PLCL1: variants seen among roughly 807,000 people sequenced by gnomAD.
The protein encoded by PLCL1 is inactive phospholipase C-like protein 1.
In PLCL1, 41 loss-of-function variants were observed where a neutral mutation model predicts 84.4. The ratio of observed to expected loss-of-function variants is 0.49; its 90% CI spans 0.38 to 0.63. The LOEUF is 0.63. Ranked by LOEUF, PLCL1 falls within the 30% of genes least tolerant of loss-of-function variation. The pLI, the probability that PLCL1 is intolerant of heterozygous loss-of-function variation, is 0.00. For synonymous variants in PLCL1, 490 were observed against 488.3 expected (o/e 1.00, Z -0.05); for missense variants, 1,206 against 1,367.8 (o/e 0.88, Z 1.87).
intron 5 of PLCL1, among the ~76,000 whole-genome samples, chr2:198,146,277 T>C (rs1409104849): frequency 6.6e-6 from 1 of 152,142 alleles, no homozygotes; most frequent in Non-Finnish European, 1.5e-5. Context: ...ACCCAGTATA[T>C]TAAAAACCAG....
chr2:198,141,452 G>A lies in PLCL1; in HGVS notation c.3106-5328G>A, dbSNP rs576001804. Among the ~76,000 whole-genome samples the A allele has an allele frequency of 5.4e-5, 8 of 147,716 alleles. No individual in the cohort carries two copies. The East Asian group carries it at 1.4e-3, about 25-fold the overall frequency. ...ATAGTTTCACCCAGTTTTCCAAACA[G>A]CGTAACATACCAAGAGTGTAACATC... On this transcript the variant is annotated intron_variant, in intron 5 of 5. Transcript: ENST00000428675.
chr2:198,146,692 A>C, intron 5 of PLCL1, 88 bp from the exon 6 acceptor site: 2 of 1,065,150 alleles, frequency 1.9e-6, no homozygotes, highest in Non-Finnish European at 2.7e-6. Context: ...TTATTCAGCA[A>C]TGGGCAGTAA....
chr2:197,967,241 G>A (rs1464507420), intron 1 of PLCL1, among the ~76,000 whole-genome samples: 2 of 152,032 alleles, frequency 1.3e-5, no homozygotes, highest in East Asian at 3.9e-4. Flanking sequence ...CTGTCTTCCA[G>A]GCTGAAGTGC....
chr2:198,141,270 G>A (rs1694379656), intron 5 of PLCL1, among the ~76,000 whole-genome samples: 1 of 152,280 alleles, frequency 6.6e-6, no homozygotes, highest in African/African-American at 2.4e-5. Context: ...ACTTAGTGCA[G>A]TGGACACTTC....
intron 1 of PLCL1, among the ~76,000 whole-genome samples, chr2:197,935,335 A>G (rs917405020): frequency 1.2e-4 from 19 of 152,220 alleles, no homozygotes; most frequent in African/African-American, 4.6e-4. Context: ...AATATTCACA[A>G]TAGCAAAGAC....
intron 1 of PLCL1, among the ~76,000 whole-genome samples, chr2:197,827,548 A>G (rs1690957919): frequency 6.6e-6 from 1 of 152,146 alleles, no homozygotes; most frequent in Non-Finnish European, 1.5e-5. Flanking sequence ...ACAAGAGGAT[A>G]TAATCTAGGT....
chr2:197,854,340 T>C (rs1165174485), intron 1 of PLCL1, among the ~76,000 whole-genome samples: 1 of 152,188 alleles, frequency 6.6e-6, no homozygotes, highest in Non-Finnish European at 1.5e-5. Flanking sequence ...AAACATATAT[T>C]GATTTCTTAC....
At chr2:198,093,220 T>A (rs1378518178) in intron 3 of PLCL1, among the ~76,000 whole-genome samples, 1 of 152,188 alleles carries the variant, frequency 6.6e-6, no homozygotes, top group Non-Finnish European at 1.5e-5. Context: ...GGCAGATACA[T>A]GTCATTATAC....
At chr2:198,068,273 A>G (rs761707352) in intron 1 of PLCL1, among the ~76,000 whole-genome samples, 1 of 152,226 alleles carries the variant, frequency 6.6e-6, no homozygotes, top group Non-Finnish European at 1.5e-5. Flanking sequence ...TACAGAAATA[A>G]ATGACTTTAA....
intron 1 of PLCL1, among the ~76,000 whole-genome samples, chr2:197,860,668 C>G (rs1574917087): frequency 1.3e-5 from 2 of 152,042 alleles, no homozygotes; most frequent in African/African-American, 4.8e-5. Context: ...TGACGGCATG[C>G]ATGCCTCTTT....
At chr2:198,064,145 G>T (rs184146139) in intron 1 of PLCL1, among the ~76,000 whole-genome samples, 7 of 152,294 alleles carry the variant, frequency 4.6e-5, no homozygotes, top group South Asian at 2.1e-4. Context: ...AGACAGGCAA[G>T]AAACCTGTGA....
At chr2:198,082,826 G>T (rs1692757102) in intron 1 of PLCL1, among the ~76,000 whole-genome samples, 1 of 152,116 alleles carries the variant, frequency 6.6e-6, no homozygotes, top group African/African-American at 2.4e-5. Flanking sequence ...AATCAAGAAG[G>T]AAACAGCCTC....
chr2:197,943,840 C>T (rs915215099), intron 1 of PLCL1, among the ~76,000 whole-genome samples: 2 of 152,082 alleles, frequency 1.3e-5, no homozygotes, highest in Non-Finnish European at 2.9e-5. Context: ...AAATATCTCT[C>T]ATTACAGTGT....
chr2:197,936,947 T>C (rs1689066671), intron 1 of PLCL1, among the ~76,000 whole-genome samples: 1 of 152,170 alleles, frequency 6.6e-6, no homozygotes, highest in African/African-American at 2.4e-5. Context: ...CTGCTTTGAG[T>C]TGCTTTTTGA....
intron 5 of PLCL1, among the ~76,000 whole-genome samples, chr2:198,133,468 T>A (rs966877715): frequency 2.7e-5 from 4 of 149,364 alleles, no homozygotes; most frequent in Non-Finnish European, 5.9e-5. Context: ...ATGGCACATG[T>A]ATACATATGT....
At chr2:197,870,125 T>C (rs1188273085) in intron 1 of PLCL1, among the ~76,000 whole-genome samples, 3 of 152,142 alleles carry the variant, frequency 2.0e-5, no homozygotes, top group Non-Finnish European at 4.4e-5. Flanking sequence ...GAACTTTAGC[T>C]AAAATGAATT....
rs143893608 is a variant in PLCL1 at position 198,104,818 on chromosome 2, G to A, written c.3105+882G>A. On this transcript the variant is annotated intron_variant, in intron 5 of 5. Coordinates refer to ENST00000428675, the MANE Select transcript of PLCL1 (RefSeq NM_006226.4). ...ACCTTTTTATATGCTTGTTGGCCGC[G>A]TATATGTCTTCTTTTGAAAAGTGTC... is the stretch of plus-strand genomic sequence containing the variant. 2.7e-4 allele frequency among the ~76,000 whole-genome samples: 41 copies of A among 152,004 alleles called. No homozygotes were observed. In the East Asian group the frequency reaches 6.4e-3, roughly 24 times the overall value.
intron 1 of PLCL1, among the ~76,000 whole-genome samples, chr2:198,055,365 AAGAGAGAGAG>A (rs3068250): frequency 1.6e-5 from 2 of 128,760 alleles, no homozygotes; most frequent in African/African-American, 2.9e-5. Context: ...GAGAGAGAGA[AAGAGAGAGAG>A]AGAGAGAGAG....
intron 5 of PLCL1, among the ~76,000 whole-genome samples, chr2:198,139,337 T>C (rs1168792150): frequency 1.3e-5 from 2 of 152,224 alleles, no homozygotes; most frequent in African/African-American, 4.8e-5. Flanking sequence ...ATACAACTAG[T>C]CTATTGCCAT....
Sources: gnomAD v4.1 joint callset for allele counts (sites outside exome capture counted in the v4.1 genomes callset) on GRCh38, gnomAD v4.1.1 for gene constraint, MANE v1.5 for transcripts, NCBI Gene and HGNC (gene_info 2026-07-23, HGNC 2026-07-21) for gene names.